Variants in ONECUT2 observed in about 807,000 individuals in gnomAD.
ONECUT2 encodes one cut homeobox 2, also known as one cut domain family member 2.
In ONECUT2, 10 loss-of-function variants were observed where a neutral mutation model predicts 27.9. The observed-to-expected ratio is 0.36, with a 90% CI of 0.22 to 0.61. The LOEUF (loss-of-function observed/expected upper bound fraction) is 0.61. Among genes scored for constraint, ONECUT2 ranks in the 20% least tolerant of loss-of-function variants. ONECUT2 has a pLI of 0.73. For synonymous variants in ONECUT2, 334 were observed against 315.1 expected (o/e 1.06, Z -0.64); for missense variants, 686 against 721.0 (o/e 0.95, Z 0.56).
intron 1 of ONECUT2, among the ~76,000 whole-genome samples, chr18:57,471,859 A>G (rs139890012): frequency 2.6e-4 from 39 of 152,322 alleles, no homozygotes; most frequent in Non-Finnish European, 5.1e-4. Context: ...GTGGTCCTAC[A>G]TAGGACCTGC....
chr18:57,443,763 T>A (rs1457147473), intron 1 of ONECUT2, among the ~76,000 whole-genome samples: 1 of 152,302 alleles, frequency 6.6e-6, no homozygotes, highest in East Asian at 1.9e-4. Flanking sequence ...ATAGCCTCAC[T>A]TCGGGAGCAG....
At chr18:57,467,002 G>A (rs901894594) in intron 1 of ONECUT2, among the ~76,000 whole-genome samples, 2 of 152,232 alleles carry the variant, frequency 1.3e-5, no homozygotes, top group Non-Finnish European at 2.9e-5. Flanking sequence ...CTTCCCCTGG[G>A]AGATCTGCCC....
chr18:57,478,299 G>C lies in ONECUT2; in HGVS notation c.*1576G>C, dbSNP rs1445419970. 6.6e-6 allele frequency: 1 copy of C among 152,506 alleles called. No homozygotes were observed. Among genetic ancestry groups the C allele is most frequent in the Non-Finnish European group, 1.5e-5 (1 of 68,042 alleles). 9.4% of individuals were successfully genotyped at this position (152,506 alleles called of 1,614,324 possible). On this transcript the variant is annotated 3_prime_UTR_variant, in exon 2 of 2. Transcript: ENST00000491143. ...CATATTTACCAGTGAATGGCCCCGG[G>C]TGGGGCCACGTGGGGGTGTTCAAAG...
intron 1 of ONECUT2, among the ~76,000 whole-genome samples, chr18:57,471,776 G>T (rs551554137): frequency 2.0e-5 from 3 of 152,166 alleles, no homozygotes; most frequent in Admixed American, 6.5e-5. Context: ...GTGGGGAAAG[G>T]TAGCCTTATT....
intron 1 of ONECUT2, among the ~76,000 whole-genome samples, chr18:57,443,978 AATATAC>A (rs916451617): frequency 6.6e-6 from 1 of 152,208 alleles, no homozygotes; most frequent in African/African-American, 2.4e-5. Context: ...CTTGTAATCA[AATATAC>A]ATATACTTTC....
chr18:57,445,008 A>G (rs756381283), intron 1 of ONECUT2, among the ~76,000 whole-genome samples: 1 of 152,242 alleles, frequency 6.6e-6, no homozygotes, highest in Non-Finnish European at 1.5e-5. Flanking sequence ...AAGACAAAAT[A>G]GATGCATTTG....
chr18:57,450,641 A>G (rs2050224828), intron 1 of ONECUT2, among the ~76,000 whole-genome samples: 1 of 152,208 alleles, frequency 6.6e-6, no homozygotes, highest in South Asian at 2.1e-4. Context: ...TGCTTCATAC[A>G]AGATGGAAAA....
chr18:57,488,920 C>T lies in ONECUT2; in HGVS notation c.*12197C>T, dbSNP rs1348627832. 1 of 152,312 alleles carries T rather than the reference C, an allele frequency of 6.6e-6. No homozygotes were observed. Among genetic ancestry groups the T allele is most frequent in the Admixed American group, 6.5e-5 (1 of 15,286 alleles). The allele number at this position is 152,312 out of a possible 1,614,324, so 9.4% of individuals were successfully genotyped here. Reference sequence around the variant, plus strand: ...TCACTCTCTCTGGACTCCAACACTTCCCTGCAATCCTTTGGTCTTGAGCAT... The same window carrying T: ...TCACTCTCTCTGGACTCCAACACTTTCCTGCAATCCTTTGGTCTTGAGCAT... On this transcript the variant is annotated 3_prime_UTR_variant, in exon 2 of 2. Transcript: ENST00000491143.
intron 1 of ONECUT2, among the ~76,000 whole-genome samples, chr18:57,447,098 A>T (rs1255246294): frequency 6.6e-6 from 1 of 152,262 alleles, no homozygotes; most frequent in African/African-American, 2.4e-5. Context: ...AAAGTGAACC[A>T]GCCGTTTTGC....
intron 1 of ONECUT2, among the ~76,000 whole-genome samples, chr18:57,461,930 AAG>A (rs2050294237): frequency 6.6e-6 from 1 of 152,248 alleles, no homozygotes; most frequent in African/African-American, 2.4e-5. Context: ...AGTCTGCTAC[AAG>A]AGAGTCTTTC....
chr18:57,479,245 G>C lies in ONECUT2; in HGVS notation c.*2522G>C, dbSNP rs548086316. 4 of 152,516 alleles carry C rather than the reference G, an allele frequency of 2.6e-5. No homozygotes were observed. The South Asian group carries it at 8.3e-4, about 32-fold the overall frequency. 9.4% of individuals were successfully genotyped at this position (152,516 alleles called of 1,614,324 possible). A position where few individuals can be genotyped will look rare whatever the true frequency, so the allele number is the denominator to read the frequency against. On this transcript the variant is annotated 3_prime_UTR_variant, in exon 2 of 2. Transcript: ENST00000491143. ...CTACATCCTAACAGGGCTTCATTTGGGGGTGGGGGGAAACATGTAAAAATA... is the reference window on the plus strand; with the variant it reads ...CTACATCCTAACAGGGCTTCATTTGCGGGTGGGGGGAAACATGTAAAAATA...
chr18:57,464,426 C>T (rs1598939715), intron 1 of ONECUT2, among the ~76,000 whole-genome samples: 3 of 152,082 alleles, frequency 2.0e-5, no homozygotes, highest in Middle Eastern at 3.4e-3. Flanking sequence ...CACTTTGAAA[C>T]ATTTCTTTCT....
chr18:57,480,725 T>A lies in ONECUT2; in HGVS notation c.*4002T>A, dbSNP rs1322332693. On this transcript the variant is annotated 3_prime_UTR_variant, in exon 2 of 2. Coordinates refer to ENST00000491143, the MANE Select transcript of ONECUT2 (RefSeq NM_004852.3). ...ATATGTGTATCTATACAGTTATGTA[T>A]CAAAATTTTAAGCCCTGCAGAATTT... is the stretch of plus-strand genomic sequence containing the variant. The A allele has an allele frequency of 6.6e-6, 1 of 152,174 alleles. No individual in the cohort carries two copies. Among genetic ancestry groups the A allele is most frequent in the Non-Finnish European group, 1.5e-5 (1 of 68,034 alleles). The allele number at this position is 152,174 out of a possible 1,614,324, so 9.4% of individuals were successfully genotyped here.
At chr18:57,453,433 G>A (rs1437660220) in intron 1 of ONECUT2, among the ~76,000 whole-genome samples, 2 of 152,198 alleles carry the variant, frequency 1.3e-5, no homozygotes, top group African/African-American at 2.4e-5. Context: ...GTCAAAGTCT[G>A]TTTAAAATTA....
Position 57,481,420 on chromosome 18 carries a change from T to A in ONECUT2, c.*4697T>A, listed in dbSNP as rs1212859024. On this transcript the variant is annotated 3_prime_UTR_variant, in exon 2 of 2. Transcript: ENST00000491143. ...TTCAAGCTAAAATAAAATCAACATT[T>A]GGAATGTAAATCTGATACACACACA... is the stretch of plus-strand genomic sequence containing the variant. The A allele has an allele frequency of 6.6e-6, 1 of 152,218 alleles. No individual in the cohort carries two copies. The highest frequency in any genetic ancestry group is 1.9e-4 in the East Asian group (1 of 5,204). 9.4% of individuals were successfully genotyped at this position (152,218 alleles called of 1,614,324 possible).
At chr18:57,448,110 TG>T (rs1280992802) in intron 1 of ONECUT2, among the ~76,000 whole-genome samples, 1 of 152,028 alleles carries the variant, frequency 6.6e-6, no homozygotes, top group Non-Finnish European at 1.5e-5. Flanking sequence ...AGAGTCCTTT[TG>T]GTCAATGATT....
intron 1 of ONECUT2, among the ~76,000 whole-genome samples, chr18:57,462,682 T>C (rs1239697789): frequency 1.3e-5 from 2 of 151,966 alleles, no homozygotes; most frequent in African/African-American, 2.4e-5. Context: ...CTAAGAAATC[T>C]TTCCTGTGAT....
chr18:57,439,749 C>G (rs2050163942), intron 1 of ONECUT2, among the ~76,000 whole-genome samples: 1 of 152,164 alleles, frequency 6.6e-6, no homozygotes, highest in Non-Finnish European at 1.5e-5. Context: ...GCAGGCGGCT[C>G]GGCCGGACTC....
At position 57,476,438 on chromosome 18, in the gene ONECUT2, G is replaced by C. The variant is rs199983452; in HGVS notation, c.1230G>C (p.Ala410=). 3 of 1,613,618 alleles carry C rather than the reference G, an allele frequency of 1.9e-6. No individual in the cohort carries two copies. In the Admixed American group the frequency reaches 5.0e-5, roughly 27 times the overall value. The part of the protein sequence containing the change: ...FQRMSALRLA[A]CKRKEQEPNK... ...CTCCTTCTTCTCTTTCCCTTCAAGCGTGCAAACGCAAAGAGCAAGAACCAA... is the reference window on the plus strand; with the variant it reads ...CTCCTTCTTCTCTTTCCCTTCAAGCCTGCAAACGCAAAGAGCAAGAACCAA... The change falls in exon 2 of 2, where the codon GCG becomes GCC. Residue 410 remains alanine (A), a splice_region_variant and synonymous_variant. Coordinates refer to ENST00000491143, the MANE Select transcript of ONECUT2 (RefSeq NM_004852.3).
Sources: allele counts gnomAD v4.1 joint callset (sites outside exome capture counted in the v4.1 genomes callset), GRCh38; gene constraint gnomAD v4.1.1; transcripts MANE v1.5; gene names NCBI Gene and HGNC (gene_info 2026-07-23, HGNC 2026-07-21).